Variants in ALKBH5 observed in about 807,000 individuals in gnomAD.
The protein encoded by ALKBH5 is alkB homolog 5, RNA demethylase.
A neutral mutation model predicts 32.1 loss-of-function variants in ALKBH5; 2 were observed. That is an observed-to-expected ratio of 0.06 (90% confidence interval 0.03 to 0.20). The LOEUF (loss-of-function observed/expected upper bound fraction) is 0.20. ALKBH5 is among the 10% of genes least tolerant of loss of function. ALKBH5 has a pLI of 1.00. For synonymous variants in ALKBH5, 300 were observed against 231.7 expected (o/e 1.29, Z -2.68); for missense variants, 352 against 559.5 (o/e 0.63, Z 3.74).
Position 18,195,672 on chromosome 17 carries a change from A to G in ALKBH5, c.851+637A>G, listed in dbSNP as rs376660628. On this transcript the variant is annotated intron_variant, in intron 2 of 3. Transcript: ENST00000399138. Reference sequence around the variant, plus strand: ...ACAAGCCTTGCCCCACTGTCCACCCATCTTGCTCAGGCTGGAATGCAGTGG... The same window carrying G: ...ACAAGCCTTGCCCCACTGTCCACCCGTCTTGCTCAGGCTGGAATGCAGTGG... Among the ~76,000 whole-genome samples, 20 of 152,264 alleles carry G rather than the reference A, an allele frequency of 1.3e-4. No individual in the cohort carries two copies. The East Asian group carries it at 3.3e-3, about 25-fold the overall frequency.
intron 2 of ALKBH5, among the ~76,000 whole-genome samples, chr17:18,204,724 G>A (rs563078116): frequency 3.3e-5 from 5 of 152,086 alleles, no homozygotes; most frequent in Middle Eastern, 3.4e-3. Flanking sequence ...CTCCAGCCTG[G>A]GCGACAGAAG....
At chr17:18,206,004 A>G (rs2047266989) in intron 2 of ALKBH5, among the ~76,000 whole-genome samples, 1 of 151,976 alleles carries the variant, frequency 6.6e-6, no homozygotes, top group Non-Finnish European at 1.5e-5. Context: ...TCTCTGTACC[A>G]CACAAGGAGC....
intron 2 of ALKBH5, among the ~76,000 whole-genome samples, chr17:18,204,039 G>A (rs896496849): frequency 1.2e-4 from 18 of 152,190 alleles, no homozygotes; most frequent in African/African-American, 4.1e-4. Context: ...TACCAGAGGA[G>A]GGACTTTCTT....
At position 18,200,622 on chromosome 17, in the gene ALKBH5, T is replaced by G. The variant is rs574224205; in HGVS notation, c.851+5587T>G. ...GGAATGGGGTTTGTATGGGTTCCTA[T>G]TCTCTTTTGTCCTTTGGGAAAAGGC... On this transcript the variant is annotated intron_variant, in intron 2 of 3. Transcript: ENST00000399138. 4.6e-5 allele frequency among the ~76,000 whole-genome samples: 7 copies of G among 152,322 alleles called. No homozygotes were observed. The South Asian group carries it at 8.3e-4, about 18-fold the overall frequency.
chr17:18,194,686 A>G (rs1031845760), intron 1 of ALKBH5, among the ~76,000 whole-genome samples: 6 of 152,186 alleles, frequency 3.9e-5, no homozygotes, highest in African/African-American at 1.4e-4. Context: ...TGGCCTGTTC[A>G]GGGAGAGTCT....
chr17:18,187,040 G>A (rs1022354327), intron 1 of ALKBH5, among the ~76,000 whole-genome samples: 24 of 152,130 alleles, frequency 1.6e-4, no homozygotes, highest in Middle Eastern at 3.2e-3. Context: ...CACTGGGGAA[G>A]GAACTAGGGA....
rs778708217 is a variant in ALKBH5, at chr17:18,184,715, C to T, written c.472C>T (p.Pro158Ser). The change falls in exon 1 of 4, where the codon CCG (proline) becomes TCG (serine). Residue 158 changes from proline to serine, a missense_variant. Pro to Ser is a moderately conservative substitution (Grantham distance 74). This residue lies in a region of ALKBH5 where 56 missense variants were observed against 238.1 expected (regional missense o/e 0.24). Coordinates refer to ENST00000399138, the MANE Select transcript of ALKBH5 (RefSeq NM_017758.4). ...GCCCGGCCAGGAGCGCCTCTACCCG[C>T]CGGGCGACGTGGACGAGATCCCCGA... is the stretch of plus-strand genomic sequence containing the variant. The part of the protein sequence containing the change: ...RGPGQERLYP[P>S]GDVDEIPEWV... 1 of 1,613,338 alleles carries T rather than the reference C, an allele frequency of 6.2e-7. No homozygotes were observed. Among genetic ancestry groups the T allele is most frequent in the South Asian group, 1.1e-5 (1 of 91,078 alleles).
chr17:18,188,112 T>C (rs1475417176), intron 1 of ALKBH5, among the ~76,000 whole-genome samples: 2 of 152,202 alleles, frequency 1.3e-5, no homozygotes, highest in East Asian at 3.8e-4. Context: ...TAGGCCTGGG[T>C]GGATCCCCTC....
At chr17:18,192,205 A>G (rs552181271) in intron 1 of ALKBH5, among the ~76,000 whole-genome samples, 2 of 152,290 alleles carry the variant, frequency 1.3e-5, no homozygotes, top group African/African-American at 2.4e-5. Context: ...GCCCCAGGAT[A>G]GTCCAGGGCC....
Position 18,194,949 on chromosome 17 carries a change from T to C in ALKBH5, c.771-6T>C. The stretch of plus-strand genomic sequence containing the variant: ...TCATGGTCACATGTTCTGTGTTTCT[T>C]TTCAGTGGATATGCTGCTGATGAAA... On this transcript the variant is annotated splice_region_variant and splice_polypyrimidine_tract_variant and intron_variant, in intron 1 of 3. Transcript: ENST00000399138. 1 of 1,613,794 alleles carries C rather than the reference T, an allele frequency of 6.2e-7. No homozygotes were observed. Among genetic ancestry groups the C allele is most frequent in the Non-Finnish European group, 8.5e-7 (1 of 1,179,850 alleles).
Position 18,184,158 on chromosome 17 carries a change from C to T in ALKBH5, c.-86C>T. 2.4e-6 allele frequency: 3 copies of T among 1,251,100 alleles called. No individual in the cohort carries two copies. The highest frequency in any genetic ancestry group is 2.3e-4 in the Middle Eastern group (1 of 4,330). 77.5% of individuals were successfully genotyped at this position (1,251,100 alleles called of 1,614,324 possible). ...TTCGGCGCTAAGGACCCCCCTCCCTCCGGGGGCCCCGGGGCGCGTCCCCTT... is the reference window on the plus strand; with the variant it reads ...TTCGGCGCTAAGGACCCCCCTCCCTTCGGGGGCCCCGGGGCGCGTCCCCTT... On this transcript the variant is annotated 5_prime_UTR_variant, in exon 1 of 4. Transcript: ENST00000399138.
chr17:18,198,424 G>A (rs1248588619), intron 2 of ALKBH5, among the ~76,000 whole-genome samples: 3 of 152,220 alleles, frequency 2.0e-5, no homozygotes, highest in African/African-American at 7.2e-5. Flanking sequence ...CTTGGGAAAG[G>A]ACGGGTTGTG....
At position 18,208,305 on chromosome 17, in the gene ALKBH5, A is replaced by C. The variant is rs1212473184; in HGVS notation, c.1094A>C (p.Glu365Ala). 2.5e-6 allele frequency: 4 copies of C among 1,614,010 alleles called. No individual in the cohort carries two copies. In the African/African-American group the frequency reaches 5.3e-5, roughly 22 times the overall value. ...THRRRGSFSS[E>A]NYWRKSYESS... ...CGGCGGAGGGGTAGCTTCAGCTCTG[A>C]GAACTACTGGCGCAAGTCATACGAG... is the stretch of plus-strand genomic sequence containing the variant. Residue 365 changes from glutamate (E) to alanine (A), a missense_variant, in exon 4 of 4, where the codon GAG becomes GCG. Glu to Ala is a moderately radical substitution (Grantham distance 107). Around this residue, in one of 4 missense-constraint regions of ALKBH5, gnomAD observed 124 missense variants for 142.4 expected, o/e 0.87. Coordinates refer to ENST00000399138, the MANE Select transcript of ALKBH5 (RefSeq NM_017758.4).
intron 2 of ALKBH5, among the ~76,000 whole-genome samples, chr17:18,202,617 G>T (rs1338459943): frequency 6.6e-6 from 1 of 152,120 alleles, no homozygotes; most frequent in African/African-American, 2.4e-5. Flanking sequence ...CCAGACGTTG[G>T]AGAGTAGTTG....
In ALKBH5 at chr17:18,206,881, T is replaced by C; in HGVS notation, c.918T>C (p.Tyr306=). 1 of 1,614,248 alleles carries C rather than the reference T, an allele frequency of 6.2e-7. No homozygotes were observed. Among genetic ancestry groups the C allele is most frequent in the Non-Finnish European group, 8.5e-7 (1 of 1,180,042 alleles). Residue 306 remains tyrosine, a synonymous_variant, in exon 3 of 4, where the codon TAT becomes TAC. Transcript: ENST00000399138. ...GCAGCTCCGTGTTACCACCCAGCTATGCTTCAGATCGCCTGTCAGGAAACA... is the reference window on the plus strand; with the variant it reads ...GCAGCTCCGTGTTACCACCCAGCTACGCTTCAGATCGCCTGTCAGGAAACA... ...SLSSSVLPPS[Y]ASDRLSGNNR... is the part of the protein sequence containing the mutation.
At chr17:18,204,461 AAAAT>A (rs1386679879) in intron 2 of ALKBH5, among the ~76,000 whole-genome samples, 2 of 150,132 alleles carry the variant, frequency 1.3e-5, no homozygotes, top group Admixed American at 6.6e-5. Context: ...AAAAAAAAAA[AAAAT>A]AGAAAAGGTA....
At chr17:18,185,670 C>T (rs1204481293) in intron 1 of ALKBH5, among the ~76,000 whole-genome samples, 2 of 152,178 alleles carry the variant, frequency 1.3e-5, no homozygotes, top group Non-Finnish European at 2.9e-5. Context: ...GGACTGAATA[C>T]AACAGAATAC....
At chr17:18,191,767 C>T (rs1464876952) in intron 1 of ALKBH5, among the ~76,000 whole-genome samples, 1 of 151,958 alleles carries the variant, frequency 6.6e-6, no homozygotes, top group East Asian at 1.9e-4. Flanking sequence ...ATCAGGAGAT[C>T]GAGACCAGCC....
intron 2 of ALKBH5, among the ~76,000 whole-genome samples, chr17:18,199,551 T>C (rs1376937621): frequency 3.9e-5 from 6 of 152,150 alleles, no homozygotes; most frequent in Non-Finnish European, 8.8e-5. Flanking sequence ...GAACTCTGTT[T>C]GGAAAGGGGC....
Sources: allele counts gnomAD v4.1 joint callset (sites outside exome capture counted in the v4.1 genomes callset), GRCh38; gene constraint gnomAD v4.1.1; regional missense constraint gnomAD v4.1.1; transcripts MANE v1.5; gene names NCBI Gene and HGNC (gene_info 2026-07-23, HGNC 2026-07-21).